The following BICDL1 variants were observed in gnomAD, a reference collection of about 807,000 sequenced individuals.
The protein encoded by BICDL1 is BICD family-like cargo adapter 1.
Under a neutral mutation model 76.8 loss-of-function variants are expected in BICDL1, and 20 were observed. The observed-to-expected ratio is 0.26, with a 90% CI of 0.18 to 0.38. The LOEUF (loss-of-function observed/expected upper bound fraction) is 0.38. Ranked by LOEUF, BICDL1 falls within the 10% of genes least tolerant of loss-of-function variation. The pLI is 1.00. For missense variants in BICDL1, 700 were observed against 798.6 expected, an observed-to-expected ratio of 0.88 and a Z score of 1.49; for synonymous variants, 383 against 337.1, an observed-to-expected ratio of 1.14 and a Z score of -1.49.
At chr12:120,035,344 A>C (rs1179060920) in intron 2 of BICDL1, among the ~76,000 whole-genome samples, 1 of 152,188 alleles carries the variant, frequency 6.6e-6, no homozygotes, top group Non-Finnish European at 1.5e-5. Flanking sequence ...TCAATAAATA[A>C]ATAAATAGAG....
chr12:120,057,331 C>T (rs566452891), intron 2 of BICDL1, among the ~76,000 whole-genome samples: 1 of 151,924 alleles, frequency 6.6e-6, no homozygotes, highest in Non-Finnish European at 1.5e-5. Flanking sequence ...TGTCTTTCCA[C>T]GATACCCCTC....
intron 2 of BICDL1, chr12:120,019,390 A>G (rs961883558): frequency 6.6e-6 from 1 of 152,246 alleles, no homozygotes; most frequent in Non-Finnish European, 1.5e-5. Context: ...TGGGCATTAA[A>G]GCTGAAAGGA....
intron 1 of BICDL1, among the ~76,000 whole-genome samples, chr12:119,994,497 CTT>C (rs956323505): frequency 6.7e-6 from 1 of 148,736 alleles, no homozygotes; most frequent in Non-Finnish European, 1.5e-5. Flanking sequence ...TAAATAGACT[CTT>C]TTTTTTTCGA....
intron 2 of BICDL1, among the ~76,000 whole-genome samples, chr12:120,024,252 G>T (rs1377970336): frequency 6.6e-6 from 1 of 152,124 alleles, no homozygotes; most frequent in Non-Finnish European, 1.5e-5. Flanking sequence ...CTGCACTCCA[G>T]CTGGGGCAAC....
intron 9 of BICDL1, chr12:120,091,686 A>G: frequency 2.0e-6 from 2 of 985,316 alleles, no homozygotes; most frequent in Non-Finnish European, 2.4e-6. Flanking sequence ...GCCCTGAGCC[A>G]GAGCGCGTGA....
chr12:119,995,434 A>G (rs934251084), intron 1 of BICDL1, among the ~76,000 whole-genome samples: 2 of 152,126 alleles, frequency 1.3e-5, no homozygotes, highest in African/African-American at 4.8e-5. Context: ...CCCCAAGTGG[A>G]TTGGATTGTT....
chr12:120,048,823 A>C (rs1035116551), intron 2 of BICDL1, among the ~76,000 whole-genome samples: 2 of 150,492 alleles, frequency 1.3e-5, no homozygotes, highest in African/African-American at 4.9e-5. Flanking sequence ...TTTTGTTGAC[A>C]TTTTTTTTTA....
intron 2 of BICDL1, among the ~76,000 whole-genome samples, chr12:120,003,178 A>G (rs963168396): frequency 1.0e-4 from 14 of 136,934 alleles, no homozygotes; most frequent in South Asian, 7.2e-4. Context: ...AAAAAAAAAC[A>G]GTCGGTAGGG....
At chr12:120,089,677 C>T (rs1024190862) in intron 8 of BICDL1, among the ~76,000 whole-genome samples, 1 of 152,306 alleles carries the variant, frequency 6.6e-6, no homozygotes, top group Admixed American at 6.5e-5. Context: ...CCACCACACC[C>T]GGCCTCAACT....
chr12:120,028,338 C>G (rs1188730233), intron 2 of BICDL1, among the ~76,000 whole-genome samples: 1 of 152,010 alleles, frequency 6.6e-6, no homozygotes, highest in Non-Finnish European at 1.5e-5. Context: ...TTTACAAAGG[C>G]CCATTGTCAA....
intron 2 of BICDL1, among the ~76,000 whole-genome samples, chr12:120,020,054 C>T (rs939455396): frequency 2.0e-5 from 3 of 152,068 alleles, no homozygotes; most frequent in Non-Finnish European, 4.4e-5. Flanking sequence ...CCTCAAAGGG[C>T]TTAGAAGCAA....
intron 2 of BICDL1, among the ~76,000 whole-genome samples, chr12:120,020,514 C>G (rs1017118703): frequency 6.6e-6 from 1 of 152,056 alleles, no homozygotes; most frequent in African/African-American, 2.4e-5. Flanking sequence ...AAGCATTTTT[C>G]CAGGAGCAAC....
chr12:120,021,581 C>T (rs779158028), intron 2 of BICDL1, among the ~76,000 whole-genome samples: 10 of 85,572 alleles, frequency 1.2e-4, no homozygotes, highest in African/African-American at 1.5e-4. Flanking sequence ...AACGAGACTC[C>T]ATCTCAAAAA....
Position 120,071,913 on chromosome 12 carries a change from G to A in BICDL1, c.1089+112G>A. On this transcript the variant is annotated intron_variant, in intron 5 of 9. Coordinates refer to ENST00000548673, the MANE Select transcript of BICDL1 (RefSeq NM_001367886.1). The surrounding 1 kb of genome is among the most constrained non-coding windows in gnomAD (Gnocchi z 4.8). ...GGCAAGGCTGTGCCCCTGTGCCTGT[G>A]TCAGCCCCTTGGCCTGCTGGCTAGA... 1.4e-6 allele frequency: 2 copies of A among 1,416,630 alleles called. No individual in the cohort carries two copies. The highest frequency in any genetic ancestry group is 1.8e-6 in the Non-Finnish European group (2 of 1,087,344). 87.8% of individuals were successfully genotyped at this position (1,416,630 alleles called of 1,614,324 possible).
chr12:120,029,618 C>T (rs1042203111), intron 2 of BICDL1, among the ~76,000 whole-genome samples: 1 of 152,094 alleles, frequency 6.6e-6, no homozygotes, highest in African/African-American at 2.4e-5. Flanking sequence ...GTAAAGAAAT[C>T]TGTTTAATCC....
chr12:119,997,071 C>T (rs1414102020), intron 1 of BICDL1, among the ~76,000 whole-genome samples: 2 of 152,026 alleles, frequency 1.3e-5, no homozygotes, highest in South Asian at 2.1e-4. Flanking sequence ...GCCTCAGCCT[C>T]CTGGGTAGCT....
Position 120,028,410 on chromosome 12 carries a change from C to T in BICDL1, c.645+29674C>T, listed in dbSNP as rs114159505. ...TAGATATTGGCTGGGCGTGGTGGCT[C>T]ACGCCTGTACTCTCAGCACCTTGAG... On this transcript the variant is annotated intron_variant, in intron 2 of 9. Coordinates refer to ENST00000548673, the MANE Select transcript of BICDL1 (RefSeq NM_001367886.1). Among the ~76,000 whole-genome samples, 1,216 of 149,970 alleles carry T rather than the reference C, an allele frequency of 8.1e-3. 17 individuals carry two copies. The highest frequency in any genetic ancestry group is 0.027 in the African/African-American group (1,108 of 40,954).
At chr12:120,020,419 G>A (rs1952155150) in intron 2 of BICDL1, among the ~76,000 whole-genome samples, 1 of 152,080 alleles carries the variant, frequency 6.6e-6, no homozygotes, top group African/African-American at 2.4e-5. Flanking sequence ...ACTCAGAAAA[G>A]AGAAAGCTTC....
chr12:120,088,646 C>T (rs183128729), intron 8 of BICDL1, among the ~76,000 whole-genome samples: 98 of 151,416 alleles, frequency 6.5e-4, no homozygotes, highest in African/African-American at 2.2e-3. Flanking sequence ...CACGAGCCAC[C>T]GCGCCTGGCC....
Sources: allele counts gnomAD v4.1 joint callset (sites outside exome capture counted in the v4.1 genomes callset), GRCh38; gene constraint gnomAD v4.1.1; non-coding constraint Gnocchi (gnomAD v3.1); transcripts MANE v1.5; gene names NCBI Gene and HGNC (gene_info 2026-07-23, HGNC 2026-07-21).